TIAM1: variants seen among roughly 807,000 people sequenced by gnomAD.
TIAM1 encodes the protein TIAM Rac1 associated GEF 1, also known as rho guanine nucleotide exchange factor TIAM1.
Under a neutral mutation model 163.5 loss-of-function variants are expected in TIAM1, and 65 were observed. The observed-to-expected ratio is 0.40, with a 90% CI of 0.33 to 0.49. The LOEUF (loss-of-function observed/expected upper bound fraction) is 0.49. Ranked by LOEUF, TIAM1 falls within the 20% of genes least tolerant of loss-of-function variation. TIAM1 has a pLI of 0.77. For synonymous variants in TIAM1, 833 were observed against 810.1 expected (o/e 1.03, Z -0.48); for missense variants, 1,789 against 2,044.7 (o/e 0.87, Z 2.41).
At chr21:31,410,932 T>C (rs12483528) in intron 2 of TIAM1, among the ~76,000 whole-genome samples, 17,779 of 152,122 alleles carry the variant, frequency 0.12, 1,540 homozygotes, top group African/African-American at 0.23. Flanking sequence ...AGGGGCCCGC[T>C]CCTCACTGGA....
At chr21:31,516,671 T>TAAA (rs375716984) in intron 1 of TIAM1, among the ~76,000 whole-genome samples, 5 of 122,248 alleles carry the variant, frequency 4.1e-5, no homozygotes, top group Non-Finnish European at 6.8e-5. Context: ...GGACTTACCC[T>TAAA]AAAAAAAAAA....
At chr21:31,507,342 T>C (rs2047067872) in intron 1 of TIAM1, among the ~76,000 whole-genome samples, 1 of 151,230 alleles carries the variant, frequency 6.6e-6, no homozygotes, top group African/African-American at 2.4e-5. Flanking sequence ...GTAGCTGGGA[T>C]TACAGGCACC....
At chr21:31,189,092 T>C (rs1416025732) in intron 13 of TIAM1, among the ~76,000 whole-genome samples, 1 of 135,236 alleles carries the variant, frequency 7.4e-6, no homozygotes. Context: ...TCTCATTCTG[T>C]TGTCTAGGCT....
At chr21:31,515,142 A>G (rs1485438985) in intron 1 of TIAM1, among the ~76,000 whole-genome samples, 1 of 151,904 alleles carries the variant, frequency 6.6e-6, no homozygotes, top group East Asian at 1.9e-4. Context: ...TCCACCTTTT[A>G]CCTTTCTTCG....
chr21:31,175,650 A>C (rs1004763126), intron 15 of TIAM1, among the ~76,000 whole-genome samples: 5 of 152,202 alleles, frequency 3.3e-5, no homozygotes, highest in African/African-American at 1.2e-4. Flanking sequence ...CCAGGCTGGA[A>C]TGCAATGGTA....
At chr21:31,140,244 C>T (rs923454024) in intron 22 of TIAM1, among the ~76,000 whole-genome samples, 1 of 152,170 alleles carries the variant, frequency 6.6e-6, no homozygotes, top group African/African-American at 2.4e-5. Context: ...TTGCCCCACC[C>T]ACACTGCTTT....
intron 2 of TIAM1, among the ~76,000 whole-genome samples, chr21:31,461,898 C>T (rs2147350864): frequency 6.6e-6 from 1 of 152,244 alleles, no homozygotes; most frequent in South Asian, 2.1e-4. Flanking sequence ...AACTCCTGGG[C>T]TCAAGCGATC....
chr21:31,481,112 T>C (rs2046096336), intron 1 of TIAM1, among the ~76,000 whole-genome samples: 1 of 152,170 alleles, frequency 6.6e-6, no homozygotes, highest in South Asian at 2.1e-4. Context: ...TGAGGTGCTG[T>C]CTGCATTGGT....
intron 8 of TIAM1, among the ~76,000 whole-genome samples, chr21:31,221,245 G>A (rs1028040050): frequency 6.6e-6 from 1 of 152,178 alleles, no homozygotes; most frequent in African/African-American, 2.4e-5. Context: ...CAACAGGCTC[G>A]CCTGACTTGT....
At chr21:31,493,692 G>A (rs2046548899) in intron 1 of TIAM1, among the ~76,000 whole-genome samples, 2 of 152,162 alleles carry the variant, frequency 1.3e-5, no homozygotes, top group South Asian at 4.1e-4. Flanking sequence ...AGCCTGGCTT[G>A]GCAGTGACAC....
chr21:31,241,411 T>C (rs1406624913), intron 6 of TIAM1, among the ~76,000 whole-genome samples: 1 of 152,186 alleles, frequency 6.6e-6, no homozygotes, highest in Admixed American at 6.5e-5. Context: ...ACTTCTGTTC[T>C]TAGGAAAGAC....
At chr21:31,534,572 A>G (rs1359276579) in intron 1 of TIAM1, among the ~76,000 whole-genome samples, 2 of 152,152 alleles carry the variant, frequency 1.3e-5, no homozygotes, top group Non-Finnish European at 2.9e-5. Flanking sequence ...CTACTCGGGA[A>G]GCTGAGATAG....
chr21:31,224,631 G>A (rs1178207279), intron 7 of TIAM1, among the ~76,000 whole-genome samples: 1 of 152,170 alleles, frequency 6.6e-6, no homozygotes, highest in African/African-American at 2.4e-5. Flanking sequence ...GGGCTAGATG[G>A]GGGAGTGTTT....
chr21:31,278,940 G>A (rs547806435), intron 2 of TIAM1, among the ~76,000 whole-genome samples: 3 of 152,208 alleles, frequency 2.0e-5, no homozygotes, highest in South Asian at 2.1e-4. Context: ...GACTCATTAC[G>A]GTGCCAGCTG....
Position 31,266,313 on chromosome 21 carries a change from C to G in TIAM1, c.660G>C (p.Pro220=). 2 of 1,614,210 alleles carry G rather than the reference C, an allele frequency of 1.2e-6. No homozygotes were observed. The highest frequency in any genetic ancestry group is 1.7e-6 in the Non-Finnish European group (2 of 1,180,026). Residue 220 remains proline (P), a synonymous_variant, in exon 4 of 28, where the codon CCG becomes CCC. Transcript: ENST00000541036. ...CTCTCTGACAGGTGCTGAGCTGCCGCGGACTCGCCCGCGTTTCCATCCCCC... is the reference window on the plus strand; with the variant it reads ...CTCTCTGACAGGTGCTGAGCTGCCGGGGACTCGCCCGCGTTTCCATCCCCC... The part of the protein sequence containing the change: ...EARGMETRAS[P]RQLSTCQRAN...
chr21:31,227,617 C>T (rs2088065179), intron 6 of TIAM1, among the ~76,000 whole-genome samples: 1 of 151,946 alleles, frequency 6.6e-6, no homozygotes, highest in Non-Finnish European at 1.5e-5. Context: ...ATAAAGAAAC[C>T]GGAAGCCACA....
At chr21:31,142,185 G>A (rs1427719779) in intron 20 of TIAM1, among the ~76,000 whole-genome samples, 1 of 152,114 alleles carries the variant, frequency 6.6e-6, no homozygotes, top group Non-Finnish European at 1.5e-5. Context: ...GGAACTGTGA[G>A]TGACAAACTA....
At chr21:31,545,758 T>G (rs1255529887) in intron 1 of TIAM1, among the ~76,000 whole-genome samples, 1 of 152,232 alleles carries the variant, frequency 6.6e-6, no homozygotes, top group Non-Finnish European at 1.5e-5. Flanking sequence ...CCACTGGCTT[T>G]CTCATCTTTG....
At chr21:31,307,103 C>T (rs562872824) in intron 2 of TIAM1, among the ~76,000 whole-genome samples, 28 of 152,258 alleles carry the variant, frequency 1.8e-4, no homozygotes, top group Admixed American at 5.9e-4. Context: ...GTTATGTATA[C>T]AGGTGAAAAC....
Sources: allele counts gnomAD v4.1 joint callset (sites outside exome capture counted in the v4.1 genomes callset), GRCh38; gene constraint gnomAD v4.1.1; transcripts MANE v1.5; gene names NCBI Gene and HGNC (gene_info 2026-07-23, HGNC 2026-07-21).